Variants in CCR6 observed in about 807,000 individuals in gnomAD.
CCR6 encodes C-C motif chemokine receptor 6.
CCR6 carries 2 observed loss-of-function variants against 3.0 expected under a neutral mutation model. The ratio of observed to expected loss-of-function variants is 0.66; its 90% CI spans 0.27 to 2.07. The LOEUF (loss-of-function observed/expected upper bound fraction) is 2.07. CCR6 is among the 30% of genes most tolerant of loss of function. The pLI is 0.14. For missense variants in CCR6, 322 were observed against 462.8 expected, an observed-to-expected ratio of 0.70 and a Z score of 2.79; for synonymous variants, 193 against 184.3, an observed-to-expected ratio of 1.05 and a Z score of -0.38.
chr6:167,137,277 C>G lies in CCR6; in HGVS notation c.1047C>G (p.Ala349=), dbSNP rs141375025. Reference sequence around the variant, plus strand: ...ACAAGTCCTCAGGCTTCTCCTGTGCCGGGAGGTACTCAGAAAACATTTCTC... The same window carrying G: ...ACAAGTCCTCAGGCTTCTCCTGTGCGGGGAGGTACTCAGAAAACATTTCTC... The part of the protein sequence containing the change: ...RKYKSSGFSC[A]GRYSENISRQ... The change falls in exon 3 of 3, where the codon GCC becomes GCG. Residue 349 remains alanine, a synonymous_variant. Coordinates refer to ENST00000341935, the MANE Select transcript of CCR6 (RefSeq NM_031409.4). This position sits in a 1 kb window ranked among gnomAD's most constrained non-coding sequence, Gnocchi z 4.6. 12 of 1,613,916 alleles carry G rather than the reference C, an allele frequency of 7.4e-6. No homozygotes were observed. The East Asian group carries it at 2.2e-4, about 30-fold the overall frequency.
intron 1 of CCR6, among the ~76,000 whole-genome samples, chr6:167,132,339 G>C (rs1443414102): frequency 6.6e-6 from 1 of 152,132 alleles, no homozygotes; most frequent in Non-Finnish European, 1.5e-5. Flanking sequence ...GTAGGAGTCG[G>C]TTGCAGGTTC....
intron 1 of CCR6, among the ~76,000 whole-genome samples, chr6:167,125,729 G>A (rs1400360758): frequency 1.3e-5 from 2 of 152,018 alleles, no homozygotes; most frequent in Non-Finnish European, 2.9e-5. Context: ...ATAATTAGGT[G>A]TTCTTTTCAT....
upstream of CCR6, among the ~76,000 whole-genome samples, chr6:167,120,217 C>G (rs544499091): frequency 1.3e-5 from 2 of 152,074 alleles, no homozygotes. Flanking sequence ...CCATGTCATC[C>G]GAAGGCTCGA....
In CCR6 at chr6:167,136,477, G is replaced by T. The variant is rs76452893; in HGVS notation, c.247G>T (p.Val83Phe). ...FYKKARSMTD[V>F]YLLNMAIADI... ...TAAGAAGGCCAGGTCTATGACAGAC[G>T]TCTATCTCTTGAACATGGCCATTGC... The change falls in exon 3 of 3, where the codon GTC (valine) becomes TTC (phenylalanine). Residue 83 changes from valine (V) to phenylalanine (F), a missense_variant. Val to Phe is a conservative substitution (Grantham distance 50). Transcript: ENST00000341935. The surrounding 1 kb of genome is among the most constrained non-coding windows in gnomAD (Gnocchi z 4.6). The T allele has an allele frequency of 6.5e-5, 104 of 1,598,522 alleles. No individual in the cohort carries two copies. The highest frequency in any genetic ancestry group is 8.7e-5 in the Non-Finnish European group (102 of 1,172,170).
chr6:167,113,763 G>C (rs1397359320), intron 1 of CCR6, among the ~76,000 whole-genome samples: 1 of 152,226 alleles, frequency 6.6e-6, no homozygotes, highest in Non-Finnish European at 1.5e-5. Context: ...GGACATTGCT[G>C]TGTTGCTGAG....
At chr6:167,117,071 T>C in intron 1 of CCR6, 1 of 152,332 alleles carries the variant, frequency 6.6e-6, no homozygotes, top group East Asian at 1.9e-4. Flanking sequence ...TCTCCACTTC[T>C]GCGCTGTTCC....
chr6:167,133,964 A>ATATATATATATATATATATG (rs1188778668), intron 1 of CCR6, among the ~76,000 whole-genome samples: 1 of 111,828 alleles, frequency 8.9e-6, no homozygotes, highest in Admixed American at 9.5e-5. Context: ...ATATATATAT[A>ATATATATATATATATATATG]TATATAGTTT....
chr6:167,128,540 T>C (rs1401833459), intron 1 of CCR6, among the ~76,000 whole-genome samples: 1 of 152,208 alleles, frequency 6.6e-6, no homozygotes, highest in Admixed American at 6.5e-5. Flanking sequence ...ACTTTCATCT[T>C]ATATCTGTGT....
At chr6:167,130,616 T>C (rs1419094376) in intron 1 of CCR6, among the ~76,000 whole-genome samples, 2 of 151,834 alleles carry the variant, frequency 1.3e-5, no homozygotes, top group African/African-American at 4.9e-5. Context: ...TGACTGTGGC[T>C]GGCATACAGG....
intron 1 of CCR6, among the ~76,000 whole-genome samples, chr6:167,135,789 C>A (rs1781840580): frequency 1.3e-5 from 2 of 152,236 alleles, no homozygotes; most frequent in African/African-American, 4.8e-5. Flanking sequence ...ATTGTAGATG[C>A]TTTCAAGCTC....
upstream of CCR6, among the ~76,000 whole-genome samples, chr6:167,120,490 GC>G (rs1482021422): frequency 2.0e-5 from 3 of 152,152 alleles, no homozygotes; most frequent in Non-Finnish European, 4.4e-5. Flanking sequence ...TGTGTGCAGA[GC>G]CTGTTTGTGA....
chr6:167,116,056 T>A (rs1781487674), intron 1 of CCR6: 1 of 152,246 alleles, frequency 6.6e-6, no homozygotes. Flanking sequence ...ACTGGTTAGG[T>A]GGAATTCATT....
intron 1 of CCR6, chr6:167,115,581 A>G (rs540745440): frequency 6.6e-6 from 1 of 152,344 alleles, no homozygotes; most frequent in African/African-American, 2.4e-5. Flanking sequence ...ACTGTTCTGG[A>G]AACTAACACA....
At chr6:167,118,330 C>A (rs1781533389), upstream of CCR6, among the ~76,000 whole-genome samples, 1 of 152,170 alleles carries the variant, frequency 6.6e-6, no homozygotes, top group South Asian at 2.1e-4. Flanking sequence ...AGACAGACAT[C>A]TAGAGGTTAA....
At chr6:167,129,683 G>C (rs1781722922) in intron 1 of CCR6, 2 of 151,634 alleles carry the variant, frequency 1.3e-5, no homozygotes, top group African/African-American at 4.9e-5. Context: ...ATGTGATAAA[G>C]CTCAGTCAAT....
chr6:167,130,976 A>ACTCCTCCCTCTGGGAC lies in CCR6; in HGVS notation c.-97-5061_-97-5060insTCCTCCCTCTGGGACC, dbSNP rs1562559600. On this transcript the variant is annotated intron_variant, in intron 1 of 2. Transcript: ENST00000341935. ...CTCCGGGACTCCTCCCTCTGGGACCACCCTCCCTCTGGACCCCCTCCCTTT... is the reference window on the plus strand; with the variant it reads ...CTCCGGGACTCCTCCCTCTGGGACCACTCCTCCCTCTGGGACCCCTCCCTCTGGACCCCCTCCCTTT... 5.0e-5 allele frequency among the ~76,000 whole-genome samples: 6 copies of ACTCCTCCCTCTGGGAC among 120,774 alleles called. No individual in the cohort carries two copies. The East Asian group carries it at 1.2e-3, about 25-fold the overall frequency. 79.2% of individuals were successfully genotyped at this position (120,774 alleles called of 152,430 possible). A position where few individuals can be genotyped will look rare whatever the true frequency, so the allele number is the denominator to read the frequency against.
intron 1 of CCR6, among the ~76,000 whole-genome samples, chr6:167,134,159 G>T (rs41475245): frequency 0.048 from 7,285 of 151,024 alleles, 292 homozygotes; most frequent in African/African-American, 0.1. Context: ...GTCTGAAAAT[G>T]GTTGTTACAT....
Position 167,136,991 on chromosome 6 carries a change from G to A in CCR6, c.761G>A (p.Arg254His), listed in dbSNP as rs151149068. The A allele has an allele frequency of 2.0e-5, 32 of 1,614,060 alleles. No homozygotes were observed. Among genetic ancestry groups the A allele is most frequent in the Admixed American group, 5.0e-5 (3 of 60,006 alleles). Reference sequence around the variant, plus strand: ...AATTCTAAAAGGCACAAAGCCATCCGTGTAATCATAGCTGTGGTGCTTGTG... The same window carrying A: ...AATTCTAAAAGGCACAAAGCCATCCATGTAATCATAGCTGTGGTGCTTGTG... ...AQNSKRHKAI[R>H]VIIAVVLVFL... The change falls in exon 3 of 3, where the codon CGT (arginine) becomes CAT (histidine). Residue 254 changes from arginine to histidine, a missense_variant. By Grantham distance (29) the Arg-to-His change is conservative. Coordinates refer to ENST00000341935, the MANE Select transcript of CCR6 (RefSeq NM_031409.4). This position sits in a 1 kb window ranked among gnomAD's most constrained non-coding sequence, Gnocchi z 4.6.
intron 1 of CCR6, chr6:167,126,549 G>T (rs1174478761): frequency 1.3e-5 from 2 of 152,480 alleles, no homozygotes; most frequent in Non-Finnish European, 2.9e-5. Context: ...CCTGTGAGCT[G>T]CTGCAGTCAG....
Sources: gnomAD v4.1 joint callset for allele counts (sites outside exome capture counted in the v4.1 genomes callset) on GRCh38, gnomAD v4.1.1 for gene constraint, Gnocchi (gnomAD v3.1) non-coding constraint, MANE v1.5 for transcripts, NCBI Gene and HGNC (gene_info 2026-07-23, HGNC 2026-07-21) for gene names.